Variants in DAPK2 observed in about 807,000 individuals in gnomAD.
The protein encoded by DAPK2 is death-associated protein kinase 2.
In DAPK2, 35 loss-of-function variants were observed where a neutral mutation model predicts 44.1. The observed-to-expected ratio is 0.79, with a 90% CI of 0.61 to 1.05. The LOEUF (loss-of-function observed/expected upper bound fraction) is 1.05. Ranked by LOEUF, DAPK2 falls within the 50% of genes least tolerant of loss-of-function variation. The pLI, the probability that DAPK2 is intolerant of heterozygous loss-of-function variation, is 0.00. For synonymous variants in DAPK2, 174 were observed against 182.6 expected (o/e 0.95, Z 0.38); for missense variants, 453 against 483.2 (o/e 0.94, Z 0.59).
intron 1 of DAPK2, among the ~76,000 whole-genome samples, chr15:63,995,645 C>A (rs150126991): frequency 1.3e-5 from 2 of 152,220 alleles, no homozygotes; most frequent in Admixed American, 6.5e-5. Flanking sequence ...ACTTACTGCA[C>A]GACCCAGGGG....
chr15:64,039,633 T>C (rs1283314717), intron 1 of DAPK2, among the ~76,000 whole-genome samples: 1 of 152,118 alleles, frequency 6.6e-6, no homozygotes, highest in Non-Finnish European at 1.5e-5. Context: ...TCAGATCTGA[T>C]TTTCACCCTG....
rs1043796473 is a variant in DAPK2 at position 63,955,280 on chromosome 15, G to A, written c.454-15919C>T. Reference sequence around the variant, plus strand: ...TTACCCACTCAGTATGATACTAGCAGTGGGTCTGTTATATACGGCTTTTAT... The same window carrying A: ...TTACCCACTCAGTATGATACTAGCAATGGGTCTGTTATATACGGCTTTTAT... On this transcript the variant is annotated intron_variant, in intron 3 of 10. Transcript: ENST00000261891. Among the ~76,000 whole-genome samples the A allele has an allele frequency of 9.2e-5, 14 of 152,220 alleles. 1 individual carries two copies. The highest frequency in any genetic ancestry group is 2.9e-5 in the Non-Finnish European group (2 of 68,030).
chr15:63,911,708 C>G, intron 10 of DAPK2, 200 bp downstream of exon 11: 1 of 608,094 alleles, frequency 1.6e-6, no homozygotes, highest in South Asian at 2.0e-5. Flanking sequence ...GGTCCCCTCC[C>G]GGCACCACCC....
At chr15:63,922,618 G>A (rs1005774908) in intron 8 of DAPK2, 10 of 1,427,558 alleles carry the variant, frequency 7.0e-6, no homozygotes, top group African/African-American at 5.8e-5. Context: ...GGGGCTGGAA[G>A]GCTATACTAC....
At chr15:64,028,905 T>C (rs2079930213) in intron 1 of DAPK2, among the ~76,000 whole-genome samples, 1 of 152,114 alleles carries the variant, frequency 6.6e-6, no homozygotes, top group Non-Finnish European at 1.5e-5. Flanking sequence ...TATGGGACTT[T>C]TGTTATTCTT....
chr15:64,002,961 T>TCGTGGGGC (rs2079129062), intron 1 of DAPK2, among the ~76,000 whole-genome samples: 2 of 101,388 alleles, frequency 2.0e-5, no homozygotes, highest in African/African-American at 7.3e-5. Flanking sequence ...TGTGTGTGTG[T>TCGTGGGGC]GTGTCGTGGG....
intron 8 of DAPK2, among the ~76,000 whole-genome samples, chr15:63,915,831 C>G (rs1028108813): frequency 1.3e-5 from 2 of 152,232 alleles, no homozygotes; most frequent in East Asian, 3.8e-4. Context: ...AAGAGCCCCA[C>G]CAAACGCTGA....
At chr15:63,944,975 C>G (rs2077411312) in intron 3 of DAPK2, among the ~76,000 whole-genome samples, 4 of 152,202 alleles carry the variant, frequency 2.6e-5, no homozygotes, top group Admixed American at 2.6e-4. Flanking sequence ...CTGTCCTACT[C>G]CTCTTCATTT....
intron 3 of DAPK2, among the ~76,000 whole-genome samples, chr15:63,958,929 A>G (rs1595799942): frequency 6.6e-6 from 1 of 152,180 alleles, no homozygotes; most frequent in Admixed American, 6.5e-5. Context: ...CATTGAATCT[A>G]TACATTACCT....
At position 63,939,081 on chromosome 15, in the gene DAPK2, C is replaced by T. The variant is rs780820462; in HGVS notation, c.583+151G>A. On this transcript the variant is annotated intron_variant, in intron 4 of 10. Transcript: ENST00000261891. This position sits in a 1 kb window ranked among gnomAD's most constrained non-coding sequence, Gnocchi z 4.3. The stretch of plus-strand genomic sequence containing the variant: ...GCCCTCATCCCCAGGCCCAATAAGA[C>T]ATTTCCTTCCCCACCCATTAGGTTT... 3 of 1,400,640 alleles carry T rather than the reference C, an allele frequency of 2.1e-6. No individual in the cohort carries two copies. The highest frequency in any genetic ancestry group is 1.4e-5 in the African/African-American group (1 of 69,254). 86.8% of individuals were successfully genotyped at this position (1,400,640 alleles called of 1,614,324 possible).
At chr15:63,945,324 T>A (rs2077420740) in intron 3 of DAPK2, among the ~76,000 whole-genome samples, 1 of 152,158 alleles carries the variant, frequency 6.6e-6, no homozygotes, top group South Asian at 2.1e-4. Flanking sequence ...AAATTCAAAT[T>A]GGTTTTAGGA....
rs150722122 is a variant in DAPK2, at chr15:63,978,871, C to T, written c.314+4662G>A. On this transcript the variant is annotated intron_variant, in intron 2 of 10. Transcript: ENST00000261891. The stretch of plus-strand genomic sequence containing the variant: ...CAAATCTGACCTTTGCCTCCTTCCT[C>T]CCTGCAGGGTGGCATGCCTGCTGGA... Among the ~76,000 whole-genome samples, 577 of 152,330 alleles carry T rather than the reference C, an allele frequency of 3.8e-3. 7 individuals are homozygous for T. Among genetic ancestry groups the T allele is most frequent in the Non-Finnish European group, 4.6e-3 (311 of 68,024 alleles).
intron 6 of DAPK2, among the ~76,000 whole-genome samples, chr15:63,927,589 C>T (rs1281659664): frequency 2.0e-5 from 3 of 152,152 alleles, no homozygotes; most frequent in South Asian, 2.1e-4. Flanking sequence ...GTGTGTCTCC[C>T]ACAGACAGGG....
chr15:64,036,368 T>C (rs371336474), intron 1 of DAPK2, among the ~76,000 whole-genome samples: 1 of 142,524 alleles, frequency 7.0e-6, no homozygotes, highest in African/African-American at 2.5e-5. Context: ...AGTTAAGGTC[T>C]AATAAACAGG....
intron 3 of DAPK2, among the ~76,000 whole-genome samples, chr15:63,953,747 G>A (rs1304365): frequency 0.49 from 73,813 of 152,062 alleles, 19,039 homozygotes; most frequent in East Asian, 0.92. Flanking sequence ...AACAGTGTAC[G>A]AGGGTTCCCC....
chr15:64,011,326 G>C (rs2015474), intron 1 of DAPK2, among the ~76,000 whole-genome samples: 23,252 of 152,118 alleles, frequency 0.15, 2,934 homozygotes, highest in East Asian at 0.77. Flanking sequence ...TTAGGAGGCC[G>C]AGGTGGGTGG....
chr15:64,023,876 C>G (rs1029301495), intron 1 of DAPK2, among the ~76,000 whole-genome samples: 1 of 152,176 alleles, frequency 6.6e-6, no homozygotes, highest in Non-Finnish European at 1.5e-5. Context: ...CTGCATCGTG[C>G]GGGGGTCAGA....
chr15:64,001,496 G>A (rs769023234), intron 1 of DAPK2, among the ~76,000 whole-genome samples: 28 of 152,170 alleles, frequency 1.8e-4, no homozygotes, highest in Non-Finnish European at 1.2e-4. Context: ...CCCACTTGAG[G>A]AGGATGGGAA....
chr15:63,983,774 C>G lies in DAPK2; in HGVS notation c.93-20G>C. Reference sequence around the variant, plus strand: ...TGGCCACTGTGGGGACACAGACCCACAAGATTAGGTCATCACTGTGGTCAT... The same window carrying G: ...TGGCCACTGTGGGGACACAGACCCAGAAGATTAGGTCATCACTGTGGTCAT... On this transcript the variant is annotated intron_variant, in intron 1 of 10. Coordinates refer to ENST00000261891, the Ensembl canonical transcript of DAPK2. 1 of 1,604,710 alleles carries G rather than the reference C, an allele frequency of 6.2e-7. No homozygotes were observed. Among genetic ancestry groups the G allele is most frequent in the Non-Finnish European group, 8.5e-7 (1 of 1,177,558 alleles).
Sources: allele counts gnomAD v4.1 joint callset (sites outside exome capture counted in the v4.1 genomes callset), GRCh38; gene constraint gnomAD v4.1.1; non-coding constraint Gnocchi (gnomAD v3.1); transcripts MANE v1.5; gene names NCBI Gene and HGNC (gene_info 2026-07-23, HGNC 2026-07-21).